ADGRL3: variants seen among roughly 807,000 people sequenced by gnomAD.
ADGRL3 encodes calcium-independent alpha-latrotoxin receptor 3.
Under a neutral mutation model 153.5 loss-of-function variants are expected in ADGRL3, and 62 were observed. That is an observed-to-expected ratio of 0.40 (90% CI 0.33 to 0.50). The LOEUF is 0.50. ADGRL3 is among the 20% of genes least tolerant of loss of function. The probability of loss-of-function intolerance (pLI) is 0.47; values close to 1 mark genes in which losing one functional copy is unlikely to be tolerated. For missense variants in ADGRL3, 1,641 were observed against 1,859.4 expected (o/e 0.88, Z 2.16); for synonymous variants, 710 against 672.5 (o/e 1.06, Z -0.86).
At chr4:61,362,424 C>T (rs940356200) in intron 1 of ADGRL3, among the ~76,000 whole-genome samples, 15 of 151,800 alleles carry the variant, frequency 9.9e-5, no homozygotes, top group Non-Finnish European at 1.8e-4. Flanking sequence ...GTCCCCCAAC[C>T]CAACACCATG....
At chr4:61,588,085 A>G (rs1412801959) in intron 5 of ADGRL3, among the ~76,000 whole-genome samples, 2 of 151,780 alleles carry the variant, frequency 1.3e-5, no homozygotes, top group Non-Finnish European at 1.5e-5. Context: ...TGCATATTAT[A>G]TAAGGTTTAA....
chr4:61,654,406 G>A (rs887053526), intron 5 of ADGRL3, among the ~76,000 whole-genome samples: 1 of 151,542 alleles, frequency 6.6e-6, no homozygotes, highest in African/African-American at 2.4e-5. Context: ...TTAACTATGG[G>A]GTAATTTTAA....
intron 8 of ADGRL3, among the ~76,000 whole-genome samples, chr4:61,781,551 A>G (rs1473148772): frequency 6.6e-6 from 1 of 152,000 alleles, no homozygotes; most frequent in Non-Finnish European, 1.5e-5. Flanking sequence ...CTTGGTTTTC[A>G]TTAATTCTTT....
intron 9 of ADGRL3, among the ~76,000 whole-genome samples, chr4:61,822,486 A>G (rs1479885313): frequency 6.6e-6 from 1 of 152,210 alleles, no homozygotes; most frequent in Non-Finnish European, 1.5e-5. Context: ...TAATACTAAT[A>G]GAATGTGTTG....
At chr4:61,248,389 T>C (rs996792141) in intron 1 of ADGRL3, among the ~76,000 whole-genome samples, 1 of 152,160 alleles carries the variant, frequency 6.6e-6, no homozygotes, top group Non-Finnish European at 1.5e-5. Flanking sequence ...AACTCATCAG[T>C]GATTTTATTT....
Position 61,954,288 on chromosome 4 carries a change from A to T in ADGRL3, c.2805+6012A>T, listed in dbSNP as rs145693876. 3.8e-3 allele frequency among the ~76,000 whole-genome samples: 573 copies of T among 152,124 alleles called. 6 individuals are homozygous for T. The highest frequency in any genetic ancestry group is 0.013 in the African/African-American group (549 of 41,536). The stretch of plus-strand genomic sequence containing the variant: ...CAATCCCATCAGCATCTCCTGCCAG[A>T]TCCAGAATTTGATCTCTTCTCAACA... On this transcript the variant is annotated intron_variant, in intron 17 of 26. Coordinates refer to ENST00000683033, the MANE Select transcript of ADGRL3 (RefSeq NM_001387552.1).
At chr4:61,966,291 G>A (rs910374748) in intron 17 of ADGRL3, among the ~76,000 whole-genome samples, 1 of 152,048 alleles carries the variant, frequency 6.6e-6, no homozygotes, top group Non-Finnish European at 1.5e-5. Flanking sequence ...CTTGCCTCAT[G>A]CAGTGTCTAT....
At chr4:61,989,822 A>T (rs1019250003) in intron 19 of ADGRL3, among the ~76,000 whole-genome samples, 4 of 152,048 alleles carry the variant, frequency 2.6e-5, no homozygotes, top group African/African-American at 9.7e-5. Context: ...CTATCATTAG[A>T]CATCTAAAGA....
intron 1 of ADGRL3, among the ~76,000 whole-genome samples, chr4:61,206,128 T>C (rs1737093062): frequency 6.6e-6 from 1 of 152,224 alleles, no homozygotes; most frequent in South Asian, 2.1e-4. Context: ...TCTATAGACC[T>C]TGATAAATCA....
chr4:61,228,154 A>G (rs1356838630), intron 1 of ADGRL3, among the ~76,000 whole-genome samples: 1 of 152,078 alleles, frequency 6.6e-6, no homozygotes, highest in African/African-American at 2.4e-5. Context: ...GTAACTATGT[A>G]AAGTTGGTAA....
At chr4:61,760,882 A>C (rs2096904566) in intron 8 of ADGRL3, among the ~76,000 whole-genome samples, 1 of 152,200 alleles carries the variant, frequency 6.6e-6, no homozygotes, top group Admixed American at 6.5e-5. Context: ...GTGGGAGACC[A>C]GAGTTTTATT....
chr4:61,478,992 GT>G (rs1036266973), intron 2 of ADGRL3, among the ~76,000 whole-genome samples: 62 of 152,072 alleles, frequency 4.1e-4, no homozygotes, highest in African/African-American at 1.5e-3. Flanking sequence ...ACAGATCTTT[GT>G]CCAATTGATA....
At chr4:61,985,592 T>C (rs2099082358) in intron 19 of ADGRL3, among the ~76,000 whole-genome samples, 1 of 152,272 alleles carries the variant, frequency 6.6e-6, no homozygotes, top group South Asian at 2.1e-4. Context: ...TCTGAACATG[T>C]TGGCAATAAA....
chr4:61,779,497 G>T (rs2097189413), intron 8 of ADGRL3, among the ~76,000 whole-genome samples: 1 of 151,728 alleles, frequency 6.6e-6, no homozygotes, highest in Non-Finnish European at 1.5e-5. Flanking sequence ...AGCCGGGCAT[G>T]GTGGCAGGCA....
chr4:61,847,674 A>T lies in ADGRL3; in HGVS notation c.1480+33785A>T, dbSNP rs1391932765. Among the ~76,000 whole-genome samples, 46 of 57,352 alleles carry T rather than the reference A, an allele frequency of 8.0e-4. 8 individuals carry two copies. The highest frequency in any genetic ancestry group is 1.1e-3 in the Non-Finnish European group (36 of 32,902). The allele number at this position is 57,352 out of a possible 152,430, so 37.6% of individuals were successfully genotyped here. ...AAAATATATTATATATATAATATAA[A>T]ATATATTATATATATAATATAAAAT... On this transcript the variant is annotated intron_variant, in intron 9 of 26. Coordinates refer to ENST00000683033, the MANE Select transcript of ADGRL3 (RefSeq NM_001387552.1).
intron 4 of ADGRL3, among the ~76,000 whole-genome samples, chr4:61,573,216 C>A (rs1233676386): frequency 1.3e-5 from 2 of 151,810 alleles, no homozygotes; most frequent in African/African-American, 2.4e-5. Context: ...CTTATATTGG[C>A]CCTAATATTA....
chr4:61,650,264 G>A (rs866022739), intron 5 of ADGRL3, among the ~76,000 whole-genome samples: 11 of 151,890 alleles, frequency 7.2e-5, no homozygotes, highest in African/African-American at 2.7e-4. Context: ...CCTATTTTTA[G>A]AAACTATAAT....
At chr4:61,410,119 C>T (rs2097066214) in intron 2 of ADGRL3, among the ~76,000 whole-genome samples, 1 of 151,686 alleles carries the variant, frequency 6.6e-6, no homozygotes, top group African/African-American at 2.4e-5. Flanking sequence ...TCTAGTAATT[C>T]ATGACATTAA....
intron 8 of ADGRL3, among the ~76,000 whole-genome samples, chr4:61,750,617 C>G (rs1029155168): frequency 3.3e-5 from 5 of 151,872 alleles, no homozygotes; most frequent in Non-Finnish European, 5.9e-5. Context: ...CGGTGAAACC[C>G]CGTCTCTACT....
Sources: gnomAD v4.1 joint callset for allele counts (sites outside exome capture counted in the v4.1 genomes callset) on GRCh38, gnomAD v4.1.1 for gene constraint, MANE v1.5 for transcripts, NCBI Gene and HGNC (gene_info 2026-07-23, HGNC 2026-07-21) for gene names.